MYOF: variants seen among roughly 807,000 people sequenced by gnomAD.
MYOF encodes fer-1-like 3, myoferlin.
A neutral mutation model predicts 284.2 loss-of-function variants in MYOF; 244 were observed. The ratio of observed to expected loss-of-function variants is 0.86; its 90% CI spans 0.77 to 0.95. MYOF has a LOEUF of 0.95. MYOF is among the 40% of genes least tolerant of loss of function. The probability of loss-of-function intolerance (pLI) is 0.00; values close to 1 mark genes in which losing one functional copy is unlikely to be tolerated. For missense variants in MYOF, 2,496 were observed against 2,560.6 expected (o/e 0.97, Z 0.54); for synonymous variants, 904 against 919.7 (o/e 0.98, Z 0.31).
rs532277382 is a variant in MYOF, at chr10:93,474,730, T to C, written c.88+7377A>G. On this transcript the variant is annotated intron_variant, in intron 1 of 53. Transcript: ENST00000359263. ...CAGCCCTGCAAGGCAGGAGATATTA[T>C]TAAGAACACTGAAGCTGATTTTTTT... Among the ~76,000 whole-genome samples, 3 of 150,450 alleles carry C rather than the reference T, an allele frequency of 2.0e-5. No homozygotes were observed. In the East Asian group the frequency reaches 5.8e-4, roughly 29 times the overall value.
chr10:93,320,822 A>G (rs1842813770), intron 48 of MYOF, among the ~76,000 whole-genome samples: 1 of 152,164 alleles, frequency 6.6e-6, no homozygotes, highest in Admixed American at 6.5e-5. Context: ...GCACATTAGA[A>G]TCACATTAGA....
At chr10:93,469,046 A>C (rs2057076671) in intron 1 of MYOF, among the ~76,000 whole-genome samples, 1 of 152,182 alleles carries the variant, frequency 6.6e-6, no homozygotes, top group East Asian at 1.9e-4. Context: ...CTTCATCTGC[A>C]CAATCGGTAT....
chr10:93,443,450 T>TTC (rs146232847), intron 3 of MYOF, among the ~76,000 whole-genome samples: 23,863 of 142,886 alleles, frequency 0.17, 2,395 homozygotes, highest in Middle Eastern at 0.25. Context: ...CTCCTCTTTC[T>TTC]TCTCTCTCTC....
At position 93,340,181 on chromosome 10, in the gene MYOF, C is replaced by A; in HGVS notation, c.4327-17G>T. The A allele has an allele frequency of 6.2e-7, 1 of 1,613,918 alleles. No individual in the cohort carries two copies. Among genetic ancestry groups the A allele is most frequent in the Non-Finnish European group, 8.5e-7 (1 of 1,179,908 alleles). On this transcript the variant is annotated splice_polypyrimidine_tract_variant and intron_variant, in intron 38 of 53. Coordinates refer to ENST00000359263, the MANE Select transcript of MYOF (RefSeq NM_013451.4). ...TTCTGTCAGCTGCTCGTGCACATGTCCCGTGAGGAAGAGGGCAAACCATAT... is the reference window on the plus strand; with the variant it reads ...TTCTGTCAGCTGCTCGTGCACATGTACCGTGAGGAAGAGGGCAAACCATAT...
Position 93,333,797 on chromosome 10 carries a change from A to G in MYOF, c.4680T>C (p.Val1560=). The G allele has an allele frequency of 6.2e-7, 1 of 1,614,176 alleles. No individual in the cohort carries two copies. The highest frequency in any genetic ancestry group is 8.5e-7 in the Non-Finnish European group (1 of 1,180,030). The part of the protein sequence containing the change: ...PQECTVRIYI[V]RGLELQPQDN... ...CCTGGGGCTGGAGCTCTAAGCCTCG[A>G]ACAATGTAAATCCTAACCGTGCATT... The change falls in exon 42 of 54, where the codon GTT becomes GTC. Residue 1560 remains valine (V), a synonymous_variant. Coordinates refer to ENST00000359263, the MANE Select transcript of MYOF (RefSeq NM_013451.4).
chr10:93,369,788 A>G lies in MYOF; in HGVS notation c.2458-12T>C. The stretch of plus-strand genomic sequence containing the variant: ...TTCTCCTGTGGATACTGTGAGATGA[A>G]CAATAGCATGTGATGTTACATTAGG... On this transcript the variant is annotated splice_polypyrimidine_tract_variant and intron_variant, in intron 24 of 53. Transcript: ENST00000359263. The G allele has an allele frequency of 1.2e-6, 2 of 1,614,114 alleles. No homozygotes were observed. Among genetic ancestry groups the G allele is most frequent in the Non-Finnish European group, 1.7e-6 (2 of 1,180,004 alleles).
At chr10:93,407,376 T>C (rs1004145956) in intron 7 of MYOF, among the ~76,000 whole-genome samples, 1 of 124,970 alleles carries the variant, frequency 8.0e-6, no homozygotes, top group African/African-American at 3.1e-5. Flanking sequence ...TGCAATGAGC[T>C]GAGATTGCAC....
In MYOF at chr10:93,327,916, C is replaced by T. The variant is rs141542294; in HGVS notation, c.5131+847G>A. On this transcript the variant is annotated intron_variant, in intron 45 of 53. Transcript: ENST00000359263. ...GGGATTACAGGTGCATGCCACCACA[C>T]CCGGCTCTTCTGTTTGTTTGTTTTT... Among the ~76,000 whole-genome samples, 325 of 152,128 alleles carry T rather than the reference C, an allele frequency of 2.1e-3. 2 individuals carry two copies. The highest frequency in any genetic ancestry group is 0.012 in the Admixed American group (186 of 15,264).
chr10:93,414,774 C>T (rs1848048028), intron 5 of MYOF, among the ~76,000 whole-genome samples: 1 of 151,876 alleles, frequency 6.6e-6, no homozygotes, highest in Admixed American at 6.6e-5. Context: ...GGTGGAGTCT[C>T]ACTGTGTCAT....
Position 93,310,576 on chromosome 10 carries a change from C to T in MYOF, c.5957G>A (p.Gly1986Glu). ...KEADERPAGK[G>E]RDEPNMNPKL... ...GGGGTTCATGTTGGGTTCGTCCCGC[C>T]CCTTCCCGGCTGGCCTCTCGTCGGC... is the stretch of plus-strand genomic sequence containing the variant. The change falls in exon 52 of 54, where the codon GGG becomes GAG. Residue 1986 changes from glycine (G) to glutamate (E), a missense_variant. Transcript: ENST00000359263. 1 of 1,613,754 alleles carries T rather than the reference C, an allele frequency of 6.2e-7. No homozygotes were observed. Among genetic ancestry groups the T allele is most frequent in the South Asian group, 1.1e-5 (1 of 90,978 alleles).
At chr10:93,448,732 C>T (rs538229953) in intron 3 of MYOF, among the ~76,000 whole-genome samples, 239 of 152,252 alleles carry the variant, frequency 1.6e-3, no homozygotes, top group African/African-American at 5.3e-3. Context: ...CAGTGGCTCA[C>T]GCCTGTAATC....
chr10:93,446,968 C>T (rs141978587), intron 3 of MYOF, among the ~76,000 whole-genome samples: 2,343 of 152,180 alleles, frequency 0.015, 68 homozygotes, highest in African/African-American at 0.053. Context: ...CTGCCTGCCT[C>T]GGCCTCCCAA....
intron 1 of MYOF, among the ~76,000 whole-genome samples, chr10:93,468,176 G>C (rs75739941): frequency 0.047 from 7,135 of 152,272 alleles, 223 homozygotes; most frequent in Non-Finnish European, 0.07. Context: ...TTGAATATAG[G>C]TCTTCTGGCT....
At chr10:93,358,791 G>A (rs866073880) in intron 29 of MYOF, among the ~76,000 whole-genome samples, 21 of 152,152 alleles carry the variant, frequency 1.4e-4, no homozygotes, top group African/African-American at 4.8e-4. Flanking sequence ...ACACACTGGG[G>A]CCGGCGGGTG....
At chr10:93,466,885 G>A (rs935730125) in intron 1 of MYOF, among the ~76,000 whole-genome samples, 4 of 152,106 alleles carry the variant, frequency 2.6e-5, no homozygotes, top group Middle Eastern at 3.2e-3. Context: ...GGCTGAGGTG[G>A]GAGGATCACT....
intron 7 of MYOF, among the ~76,000 whole-genome samples, chr10:93,407,528 A>C (rs1847664959): frequency 6.7e-6 from 1 of 149,124 alleles, no homozygotes; most frequent in Non-Finnish European, 1.5e-5. Flanking sequence ...CAAGAGATCG[A>C]GACCATCCTG....
chr10:93,471,042 T>A (rs1304499427), intron 1 of MYOF, among the ~76,000 whole-genome samples: 1 of 152,130 alleles, frequency 6.6e-6, no homozygotes, highest in Admixed American at 6.6e-5. Flanking sequence ...AGCTGCACTA[T>A]TGAGATGAAA....
chr10:93,474,670 T>A (rs74371784), intron 1 of MYOF, among the ~76,000 whole-genome samples: 7,136 of 152,238 alleles, frequency 0.047, 222 homozygotes, highest in Non-Finnish European at 0.07. Flanking sequence ...GACTGCCATG[T>A]GCAATGTCAC....
intron 5 of MYOF, among the ~76,000 whole-genome samples, chr10:93,415,679 A>G (rs1346235257): frequency 6.6e-6 from 1 of 152,170 alleles, no homozygotes; most frequent in South Asian, 2.1e-4. Flanking sequence ...TCCTGCTACA[A>G]TTAGTCACTG....
Sources: gnomAD v4.1 joint callset for allele counts (sites outside exome capture counted in the v4.1 genomes callset) on GRCh38, gnomAD v4.1.1 for gene constraint, MANE v1.5 for transcripts, NCBI Gene and HGNC (gene_info 2026-07-23, HGNC 2026-07-21) for gene names.